The following TIAM1 variants were observed in gnomAD, a reference collection of about 807,000 sequenced individuals.
TIAM1 encodes rho guanine nucleotide exchange factor TIAM1.
In TIAM1, 65 loss-of-function variants were observed where a neutral mutation model predicts 163.5. The ratio of observed to expected loss-of-function variants is 0.40; its 90% CI spans 0.33 to 0.49. The LOEUF is 0.49. TIAM1 is among the 20% of genes least tolerant of loss of function. TIAM1 has a pLI of 0.77. For synonymous variants in TIAM1, 833 were observed against 810.1 expected (o/e 1.03, Z -0.48); for missense variants, 1,789 against 2,044.7 (o/e 0.87, Z 2.41).
intron 20 of TIAM1, 29 bp downstream of exon 20, chr21:31,146,866 C>A (rs199574321): frequency 1.9e-6 from 3 of 1,580,272 alleles, no homozygotes; most frequent in Non-Finnish European, 2.6e-6. Context: ...AGCAACACAC[C>A]CCCACCTCCA....
chr21:31,465,526 C>G (rs2045491784), intron 1 of TIAM1, among the ~76,000 whole-genome samples: 1 of 151,524 alleles, frequency 6.6e-6, no homozygotes, highest in Non-Finnish European at 1.5e-5. Context: ...ACAAGGAGAA[C>G]CAGCCTATAA....
At chr21:31,430,260 A>ACC (rs2043975816) in intron 2 of TIAM1, among the ~76,000 whole-genome samples, 2 of 146,210 alleles carry the variant, frequency 1.4e-5, no homozygotes, top group African/African-American at 5.0e-5. Context: ...ACACACACAC[A>ACC]CACACACACA....
At chr21:31,455,834 C>T (rs1051757399) in intron 2 of TIAM1, among the ~76,000 whole-genome samples, 3 of 152,186 alleles carry the variant, frequency 2.0e-5, no homozygotes, top group Non-Finnish European at 4.4e-5. Context: ...TAAGGAAAAT[C>T]ATGGCTGTCA....
chr21:31,122,021 G>A (rs2082020238), intron 27 of TIAM1, among the ~76,000 whole-genome samples: 1 of 152,222 alleles, frequency 6.6e-6, no homozygotes, highest in Non-Finnish European at 1.5e-5. Context: ...GCTGCTAGAA[G>A]ATGCCTCGTG....
intron 8 of TIAM1, among the ~76,000 whole-genome samples, chr21:31,222,676 C>CAAAT (rs1310227960): frequency 2.6e-3 from 125 of 48,204 alleles, no homozygotes; most frequent in African/African-American, 8.0e-3. Flanking sequence ...TGTACACATA[C>CAAAT]ATATATATAT....
At chr21:31,133,733 G>A (rs1320943631) in intron 23 of TIAM1, among the ~76,000 whole-genome samples, 1 of 152,214 alleles carries the variant, frequency 6.6e-6, no homozygotes, top group Non-Finnish European at 1.5e-5. Context: ...GGCAAAGCAT[G>A]TGGCCTCTTG....
At chr21:31,227,856 G>C (rs1156321909) in intron 6 of TIAM1, among the ~76,000 whole-genome samples, 3 of 151,994 alleles carry the variant, frequency 2.0e-5, no homozygotes, top group African/African-American at 7.3e-5. Context: ...TTGATCATTG[G>C]ATCTCCCAGT....
Position 31,132,353 on chromosome 21 carries a change from A to G in TIAM1, c.3884-1405T>C, listed in dbSNP as rs565723004. On this transcript the variant is annotated intron_variant, in intron 23 of 27. Coordinates refer to ENST00000541036, the MANE Select transcript of TIAM1 (RefSeq NM_001353694.2). ...GACTGCCCATAGCCCTTCACACCTC[A>G]CAGCATCTGACCCCTCAAGGTTCCC... Among the ~76,000 whole-genome samples, 23 of 152,202 alleles carry G rather than the reference A, an allele frequency of 1.5e-4. No individual in the cohort carries two copies. In the South Asian group the frequency reaches 4.6e-3, roughly 30 times the overall value.
Position 31,135,637 on chromosome 21 carries a change from G to A in TIAM1, c.3883+296C>T, listed in dbSNP as rs912012730. ...TTAACCCATTATTTTGAAAAGACAC[G>A]CAGAGCAGCAGCCAAAAAAAAAAAA... is the stretch of plus-strand genomic sequence containing the variant. On this transcript the variant is annotated intron_variant, in intron 23 of 27. Transcript: ENST00000541036. Among the ~76,000 whole-genome samples, 29 of 148,058 alleles carry A rather than the reference G, an allele frequency of 2.0e-4. 1 individual carries two copies. The highest frequency in any genetic ancestry group is 1.1e-3 in the Admixed American group (16 of 15,082).
chr21:31,305,376 A>G (rs1363178358), intron 2 of TIAM1, among the ~76,000 whole-genome samples: 2 of 152,094 alleles, frequency 1.3e-5, no homozygotes, highest in Non-Finnish European at 2.9e-5. Flanking sequence ...AGGGGGTAGC[A>G]AATAGATTAG....
intron 4 of TIAM1, among the ~76,000 whole-genome samples, chr21:31,264,715 C>G (rs1231605938): frequency 1.3e-5 from 2 of 152,302 alleles, no homozygotes; most frequent in African/African-American, 4.8e-5. Flanking sequence ...GACCCCCTTT[C>G]CAGCAGAACA....
chr21:31,388,435 G>A (rs1468808859), intron 2 of TIAM1, among the ~76,000 whole-genome samples: 1 of 151,692 alleles, frequency 6.6e-6, no homozygotes, highest in Non-Finnish European at 1.5e-5. Context: ...AAGACCAGGA[G>A]TTCAAGACCA....
intron 2 of TIAM1, among the ~76,000 whole-genome samples, chr21:31,283,469 T>C (rs2073658877): frequency 6.6e-6 from 1 of 152,244 alleles, no homozygotes; most frequent in African/African-American, 2.4e-5. Context: ...ATGAGAATCA[T>C]GTGCTTTCTC....
chr21:31,213,048 G>A (rs1260152348), intron 10 of TIAM1: 1 of 222,480 alleles, frequency 4.5e-6, no homozygotes, highest in Non-Finnish European at 8.7e-6. Flanking sequence ...AGGGTAGTAA[G>A]AACACACCTC....
chr21:31,459,703 G>C (rs889330560), intron 2 of TIAM1, among the ~76,000 whole-genome samples: 1 of 152,172 alleles, frequency 6.6e-6, no homozygotes, highest in Non-Finnish European at 1.5e-5. Context: ...ACCATCAGGG[G>C]GTGGTGAAGA....
chr21:31,369,652 T>C (rs1401577412), intron 2 of TIAM1, among the ~76,000 whole-genome samples: 1 of 152,212 alleles, frequency 6.6e-6, no homozygotes, highest in South Asian at 2.1e-4. Context: ...TGTATACTTG[T>C]ATCAAAATAT....
intron 1 of TIAM1, among the ~76,000 whole-genome samples, chr21:31,342,809 G>C (rs1432889366): frequency 1.3e-5 from 2 of 152,116 alleles, no homozygotes; most frequent in African/African-American, 4.8e-5. Flanking sequence ...GTCTGATTTG[G>C]TTTAAAAGTA....
intron 2 of TIAM1, among the ~76,000 whole-genome samples, chr21:31,384,945 A>G (rs576481802): frequency 6.6e-6 from 1 of 152,318 alleles, no homozygotes; most frequent in South Asian, 2.1e-4. Context: ...ACACACACTG[A>G]TATGATTTGA....
intron 1 of TIAM1, among the ~76,000 whole-genome samples, chr21:31,503,252 A>T (rs2046907135): frequency 6.6e-6 from 1 of 151,376 alleles, no homozygotes; most frequent in Non-Finnish European, 1.5e-5. Context: ...AAAAATAGCC[A>T]GGTGTGGTGG....
Sources: gnomAD v4.1 joint callset for allele counts (sites outside exome capture counted in the v4.1 genomes callset) on GRCh38, gnomAD v4.1.1 for gene constraint, MANE v1.5 for transcripts, NCBI Gene and HGNC (gene_info 2026-07-23, HGNC 2026-07-21) for gene names.